Variants in TNFSF4 observed in about 807,000 individuals in gnomAD.
TNFSF4 encodes the protein tumor necrosis factor ligand superfamily member 4.
Under a neutral mutation model 7.3 loss-of-function variants are expected in TNFSF4, and 4 were observed. The ratio of observed to expected loss-of-function variants is 0.55; its 90% confidence interval spans 0.27 to 1.25. TNFSF4 has a LOEUF of 1.25. Ranked by LOEUF, TNFSF4 falls within the 50% of genes most tolerant of loss-of-function variation. The probability of loss-of-function intolerance (pLI) is 0.12; values close to 1 mark genes in which losing one functional copy is unlikely to be tolerated. For synonymous variants in TNFSF4, 76 were observed against 83.7 expected (o/e 0.91, Z 0.50); for missense variants, 181 against 208.8 (o/e 0.87, Z 0.82).
the TNFSF4 span, among the ~76,000 whole-genome samples, chr1:173,232,638 G>A: frequency 3.3e-5 from 5 of 152,184 alleles, 1 homozygote; most frequent in South Asian, 2.1e-4. Context: ...TTTGAGATAC[G>A]TTCCATCAAT....
At chr1:173,357,350 T>C in the TNFSF4 span, among the ~76,000 whole-genome samples, 12 of 151,980 alleles carry the variant, frequency 7.9e-5, no homozygotes, top group Admixed American at 2.6e-4. Flanking sequence ...CAAGTAGTAA[T>C]CTCTGCCATG....
the TNFSF4 span, among the ~76,000 whole-genome samples, chr1:173,216,881 G>C: frequency 6.6e-6 from 1 of 152,088 alleles, no homozygotes; most frequent in Non-Finnish European, 1.5e-5. Context: ...GTTTTCTGCT[G>C]TTCTTACCCT....
chr1:173,206,941 T>G (rs1415251706), intron 1 of TNFSF4, 83 bp downstream of exon 1: 1 of 1,465,584 alleles, frequency 6.8e-7, no homozygotes, highest in Non-Finnish European at 9.2e-7. Context: ...GGCATAAGAT[T>G]ATTTCCAAGC....
the TNFSF4 span, among the ~76,000 whole-genome samples, chr1:173,347,103 A>G: frequency 1.3e-5 from 2 of 152,214 alleles, no homozygotes; most frequent in African/African-American, 4.8e-5. Flanking sequence ...TAGGTTAGTA[A>G]CTTGGAGTCA....
the TNFSF4 span, among the ~76,000 whole-genome samples, chr1:173,364,225 G>GTATA: frequency 0.011 from 1,616 of 143,580 alleles, 41 homozygotes; most frequent in African/African-American, 0.036. Flanking sequence ...AGAAGACTAG[G>GTATA]TATATATATA....
the TNFSF4 span, among the ~76,000 whole-genome samples, chr1:173,328,196 C>G: frequency 6.6e-6 from 1 of 152,116 alleles, no homozygotes; most frequent in East Asian, 1.9e-4. Flanking sequence ...GAGTTCATGT[C>G]CTTTGTAGGG....
At chr1:173,178,288 A>G in the TNFSF4 span, among the ~76,000 whole-genome samples, 1 of 152,304 alleles carries the variant, frequency 6.6e-6, no homozygotes, top group East Asian at 1.9e-4. Flanking sequence ...TAAAAGTTGA[A>G]TATCAGGTCA....
the TNFSF4 span, chr1:173,175,486 C>G: frequency 6.6e-6 from 1 of 152,060 alleles, no homozygotes; most frequent in Non-Finnish European, 1.5e-5. Context: ...TTATATTATC[C>G]ATTCCTTGAT....
chr1:173,319,333 G>A, the TNFSF4 span, among the ~76,000 whole-genome samples: 36 of 152,324 alleles, frequency 2.4e-4, no homozygotes, highest in African/African-American at 7.9e-4. Flanking sequence ...AAAGGCAGCA[G>A]CCCCAGTCAG....
chr1:173,313,825 G>A, the TNFSF4 span, among the ~76,000 whole-genome samples: 2 of 151,914 alleles, frequency 1.3e-5, no homozygotes, highest in Non-Finnish European at 2.9e-5. Flanking sequence ...TTAGTTTTAG[G>A]TATACTTATT....
At chr1:173,365,829 G>A in the TNFSF4 span, among the ~76,000 whole-genome samples, 13 of 152,202 alleles carry the variant, frequency 8.5e-5, no homozygotes, top group East Asian at 2.1e-3. Flanking sequence ...GTTTCATATG[G>A]AACCACCAAA....
chr1:173,322,425 A>G, the TNFSF4 span, among the ~76,000 whole-genome samples: 1 of 152,098 alleles, frequency 6.6e-6, no homozygotes, highest in Non-Finnish European at 1.5e-5. Flanking sequence ...AGATGGCCGA[A>G]TAGGAACAGC....
At chr1:173,424,271 T>G in the TNFSF4 span, among the ~76,000 whole-genome samples, 1 of 152,228 alleles carries the variant, frequency 6.6e-6, no homozygotes, top group African/African-American at 2.4e-5. Context: ...GTATTTTGAG[T>G]GCTTCTCATG....
the TNFSF4 span, among the ~76,000 whole-genome samples, chr1:173,347,962 A>T: frequency 6.6e-6 from 1 of 152,222 alleles, no homozygotes; most frequent in South Asian, 2.1e-4. Flanking sequence ...AAGGGGACAA[A>T]ATCACTCCTA....
chr1:173,332,544 T>A, the TNFSF4 span, among the ~76,000 whole-genome samples: 1,358 of 143,198 alleles, frequency 9.5e-3, 28 homozygotes, highest in African/African-American at 0.034. Flanking sequence ...ATAAATAAAT[T>A]AATTAATTAA....
chr1:173,401,792 T>C, the TNFSF4 span, among the ~76,000 whole-genome samples: 2 of 152,018 alleles, frequency 1.3e-5, no homozygotes, highest in Non-Finnish European at 2.9e-5. Context: ...CACATATACA[T>C]ATATGTCTGG....
At chr1:173,211,127 T>TA (rs1283862621), upstream of TNFSF4, among the ~76,000 whole-genome samples, 4 of 152,166 alleles carry the variant, frequency 2.6e-5, no homozygotes, top group Non-Finnish European at 4.4e-5. Flanking sequence ...AGAAGACACT[T>TA]ACAGTGGCTC....
At chr1:173,241,752 G>GA in the TNFSF4 span, among the ~76,000 whole-genome samples, 3 of 152,210 alleles carry the variant, frequency 2.0e-5, no homozygotes, top group Admixed American at 2.0e-4. Context: ...GCTTAGAAGT[G>GA]ACAAGAGAAT....
At chr1:173,182,132 G>T (rs1240998342), downstream of TNFSF4, among the ~76,000 whole-genome samples, 1 of 152,120 alleles carries the variant, frequency 6.6e-6, no homozygotes, top group Non-Finnish European at 1.5e-5. Context: ...TAAGCTCTGT[G>T]CATACCTTTT....
Sources: gnomAD v4.1 joint callset for allele counts (sites outside exome capture counted in the v4.1 genomes callset) on GRCh38, gnomAD v4.1.1 for gene constraint, MANE v1.5 for transcripts, NCBI Gene and HGNC (gene_info 2026-07-23, HGNC 2026-07-21) for gene names.